The following PSD3 variants were observed in gnomAD, a reference collection of about 807,000 sequenced individuals.
PSD3 encodes the protein PH and SEC7 domain-containing protein 3.
In PSD3, 49 loss-of-function variants were observed where a neutral mutation model predicts 105.5. The observed-to-expected ratio is 0.46, with a 90% confidence interval of 0.37 to 0.59. PSD3 has a LOEUF of 0.59. Ranked by LOEUF, PSD3 falls within the 20% of genes least tolerant of loss-of-function variation. The pLI is 0.00. For missense variants in PSD3, 1,561 were observed against 1,263.8 expected (o/e 1.24, Z -3.57); for synonymous variants, 557 against 457.8 (o/e 1.22, Z -2.77).
At chr8:18,623,463 A>G (rs1806265957) in intron 11 of PSD3, among the ~76,000 whole-genome samples, 2 of 149,688 alleles carry the variant, frequency 1.3e-5, no homozygotes, top group African/African-American at 4.9e-5. Flanking sequence ...AAAAAAAAAA[A>G]AAAAAAAGAA....
chr8:18,960,940 G>A (rs75502491), intron 1 of PSD3, among the ~76,000 whole-genome samples: 2 of 151,982 alleles, frequency 1.3e-5, no homozygotes, highest in African/African-American at 4.8e-5. Context: ...ACAAAAACTA[G>A]GCTGTTGTGG....
chr8:18,797,812 T>C (rs1810319503), intron 8 of PSD3, among the ~76,000 whole-genome samples: 1 of 152,154 alleles, frequency 6.6e-6, no homozygotes, highest in South Asian at 2.1e-4. Context: ...CTTTTCTCAG[T>C]TAACAGATGC....
At chr8:18,739,846 T>C (rs1373326586) in intron 9 of PSD3, among the ~76,000 whole-genome samples, 6 of 152,224 alleles carry the variant, frequency 3.9e-5, no homozygotes, top group African/African-American at 1.4e-4. Flanking sequence ...AGATCAACTA[T>C]AGTATCTGTC....
At chr8:18,825,080 C>T (rs1228505398) in intron 4 of PSD3, among the ~76,000 whole-genome samples, 1 of 152,136 alleles carries the variant, frequency 6.6e-6, no homozygotes, top group African/African-American at 2.4e-5. Flanking sequence ...ATTTGAAAAA[C>T]CCTGCCTTTC....
At chr8:18,987,431 G>T (rs1190297220) in intron 1 of PSD3, among the ~76,000 whole-genome samples, 2 of 152,024 alleles carry the variant, frequency 1.3e-5, no homozygotes, top group Admixed American at 1.3e-4. Context: ...GGAACTACAG[G>T]CACCCGCCAC....
intron 8 of PSD3, among the ~76,000 whole-genome samples, chr8:18,767,754 G>C (rs945556385): frequency 1.3e-5 from 2 of 151,464 alleles, no homozygotes; most frequent in Non-Finnish European, 3.0e-5. Context: ...TCTCAAAACA[G>C]ATAAATAAAT....
intron 1 of PSD3, among the ~76,000 whole-genome samples, chr8:18,987,264 ATTTAT>A (rs151126460): frequency 0.12 from 17,554 of 149,910 alleles, 1,210 homozygotes; most frequent in East Asian, 0.22. Flanking sequence ...TTTTAGAGAA[ATTTAT>A]TTTCTTTTTT....
At chr8:18,665,779 A>G (rs543933706) in intron 9 of PSD3, among the ~76,000 whole-genome samples, 232 of 152,316 alleles carry the variant, frequency 1.5e-3, no homozygotes, top group Admixed American at 3.3e-3. Flanking sequence ...TGAGCCTGGG[A>G]GATCAAGGCT....
chr8:19,037,178 A>G (rs1827971748), intron 1 of PSD3, among the ~76,000 whole-genome samples: 1 of 152,262 alleles, frequency 6.6e-6, no homozygotes, highest in Non-Finnish European at 1.5e-5. Flanking sequence ...TTCAGGCCCT[A>G]TGGCAAATCA....
intron 9 of PSD3, among the ~76,000 whole-genome samples, chr8:18,708,133 C>T (rs1338797224): frequency 6.6e-6 from 1 of 152,178 alleles, no homozygotes; most frequent in African/African-American, 2.4e-5. Flanking sequence ...CAGAGGAATC[C>T]TGACTAATTT....
At chr8:18,697,243 G>A (rs750445773) in intron 9 of PSD3, among the ~76,000 whole-genome samples, 8 of 152,158 alleles carry the variant, frequency 5.3e-5, no homozygotes, top group Admixed American at 2.0e-4. Context: ...ACAGCGACAT[G>A]GGGTGAGTGG....
intron 9 of PSD3, among the ~76,000 whole-genome samples, chr8:18,719,911 G>T (rs1162041472): frequency 6.6e-6 from 1 of 152,106 alleles, no homozygotes; most frequent in Admixed American, 6.5e-5. Flanking sequence ...CTATAAACAC[G>T]AAGGATTAAA....
At chr8:18,591,606 G>C (rs143967217) in intron 12 of PSD3, among the ~76,000 whole-genome samples, 6 of 152,248 alleles carry the variant, frequency 3.9e-5, no homozygotes, top group South Asian at 2.1e-4. Flanking sequence ...AGGACACTTA[G>C]AACAGAGTAG....
intron 15 of PSD3, among the ~76,000 whole-genome samples, chr8:18,548,624 G>A (rs1563310873): frequency 6.6e-6 from 1 of 152,200 alleles, no homozygotes; most frequent in Non-Finnish European, 1.5e-5. Flanking sequence ...CCATTTGCGT[G>A]CCCTTGGCCA....
In PSD3 at chr8:18,530,221, TAATATAA is replaced by T. The variant is rs1799577678; in HGVS notation, c.*5515_*5521del. 6.6e-6 allele frequency: 1 copy of T among 152,650 alleles called. No homozygotes were observed. The highest frequency in any genetic ancestry group is 2.4e-5 in the African/African-American group (1 of 41,466). 9.5% of individuals were successfully genotyped at this position (152,650 alleles called of 1,614,324 possible). ...TCTCTAGTTACCTATTTACACTCTA[TAATATAA>T]GCAGTAAGCTCAAACAACTAAGGCC... On this transcript the variant is annotated 3_prime_UTR_variant, in exon 16 of 16. Coordinates refer to ENST00000327040, the MANE Select transcript of PSD3 (RefSeq NM_015310.4).
chr8:18,589,046 G>A (rs1428613246), intron 12 of PSD3, among the ~76,000 whole-genome samples: 4 of 152,166 alleles, frequency 2.6e-5, no homozygotes, highest in Non-Finnish European at 5.9e-5. Context: ...AATTTATGCT[G>A]GGGAAATGGC....
chr8:18,572,484 C>T, intron 14 of PSD3, 44 bp downstream of exon 14: 3 of 1,589,532 alleles, frequency 1.9e-6, no homozygotes, highest in Non-Finnish European at 2.6e-6. Flanking sequence ...CATTATTTTA[C>T]AAAGTACTTT....
At chr8:19,070,149 T>C (rs1234151681) in intron 1 of PSD3, among the ~76,000 whole-genome samples, 1 of 151,868 alleles carries the variant, frequency 6.6e-6, no homozygotes, top group African/African-American at 2.4e-5. Flanking sequence ...GGGTACTCAA[T>C]CCCTATTTCA....
At chr8:18,973,676 A>G (rs1465237756) in intron 1 of PSD3, among the ~76,000 whole-genome samples, 1 of 152,218 alleles carries the variant, frequency 6.6e-6, no homozygotes, top group Admixed American at 6.5e-5. Context: ...ACTCAATCCT[A>G]AGTATATGAA....
Sources: gnomAD v4.1 joint callset for allele counts (sites outside exome capture counted in the v4.1 genomes callset) on GRCh38, gnomAD v4.1.1 for gene constraint, MANE v1.5 for transcripts, NCBI Gene and HGNC (gene_info 2026-07-23, HGNC 2026-07-21) for gene names.